The following SLC6A6 variants were observed in gnomAD, a reference collection of about 807,000 sequenced individuals.
The protein encoded by SLC6A6 is sodium- and chloride-dependent taurine transporter.
Under a neutral mutation model 68.8 loss-of-function variants are expected in SLC6A6, and 16 were observed. The ratio of observed to expected loss-of-function variants is 0.23; its 90% CI spans 0.16 to 0.35. The LOEUF is 0.35. SLC6A6 is among the 10% of genes least tolerant of loss of function. The pLI, the probability that SLC6A6 is intolerant of heterozygous loss-of-function variation, is 1.00. For missense variants in SLC6A6, 474 were observed against 802.8 expected (o/e 0.59, Z 4.95); for synonymous variants, 312 against 315.4 (o/e 0.99, Z 0.12).
chr3:14,423,951 G>A (rs1002858137), intron 2 of SLC6A6, among the ~76,000 whole-genome samples: 5 of 152,148 alleles, frequency 3.3e-5, no homozygotes, highest in African/African-American at 1.2e-4. Context: ...CTCATGGCTG[G>A]GTTCTGGACC....
chr3:14,414,766 T>A (rs986492543), intron 1 of SLC6A6, among the ~76,000 whole-genome samples: 1 of 152,180 alleles, frequency 6.6e-6, no homozygotes, highest in Non-Finnish European at 1.5e-5. Context: ...CTTGGGCTCA[T>A]GAGCCTTCTG....
chr3:14,458,146 C>T (rs940107066), intron 6 of SLC6A6, 64 bp downstream of exon 6: 108 of 1,475,064 alleles, frequency 7.3e-5, no homozygotes, highest in Non-Finnish European at 9.2e-5. Context: ...CCCTCTCCCC[C>T]ACTTCCCGCC....
intron 5 of SLC6A6, among the ~76,000 whole-genome samples, chr3:14,449,140 G>A (rs1700198113): frequency 6.6e-6 from 1 of 152,256 alleles, no homozygotes; most frequent in Admixed American, 6.5e-5. Flanking sequence ...CATGCTTTGG[G>A]GTCAGGGCTG....
chr3:14,461,385 G>A (rs998737710), intron 6 of SLC6A6, among the ~76,000 whole-genome samples: 1 of 152,166 alleles, frequency 6.6e-6, no homozygotes, highest in African/African-American at 2.4e-5. Flanking sequence ...CTCCCGACCT[G>A]GGTGCCCCAC....
intron 6 of SLC6A6, among the ~76,000 whole-genome samples, chr3:14,462,062 G>A (rs2124972836): frequency 6.6e-6 from 1 of 152,382 alleles, no homozygotes; most frequent in African/African-American, 2.4e-5. Flanking sequence ...AGGTTCACCA[G>A]CAAGAGTGGA....
chr3:14,413,839 A>G (rs1002470351), intron 1 of SLC6A6, among the ~76,000 whole-genome samples: 7 of 152,316 alleles, frequency 4.6e-5, no homozygotes, highest in Admixed American at 2.0e-4. Context: ...TGTCAGAGAC[A>G]TGCATAAAAT....
intron 1 of SLC6A6, among the ~76,000 whole-genome samples, chr3:14,408,371 G>C (rs1699157459): frequency 6.7e-6 from 1 of 148,762 alleles, no homozygotes; most frequent in African/African-American, 2.5e-5. Context: ...GTCTTGCTCT[G>C]TCACCCAGGC....
rs541667704 is a variant in SLC6A6, at chr3:14,472,744, G to A, written c.1209+427G>A. 2.0e-5 allele frequency among the ~76,000 whole-genome samples: 3 copies of A among 152,284 alleles called. No individual in the cohort carries two copies. The highest frequency in any genetic ancestry group is 1.9e-4 in the East Asian group (1 of 5,174). ...GGAGGACATGGCAGATGGGCGATTC[G>A]GAGAAGGGACCCACATTTCTGTGTG... is the stretch of plus-strand genomic sequence containing the variant. On this transcript the variant is annotated intron_variant, in intron 10 of 14. Transcript: ENST00000622186. The surrounding 1 kb of genome is among the most constrained non-coding windows in gnomAD (Gnocchi z 4.5).
At chr3:14,443,969 GCC>G (rs112272618) in intron 3 of SLC6A6, 106 bp downstream of exon 3, 1 of 732,580 alleles carries the variant, frequency 1.4e-6, no homozygotes, top group Non-Finnish European at 2.3e-6. Context: ...GCTTTCCCTG[GCC>G]CCCCCCCTTG....
intron 2 of SLC6A6, among the ~76,000 whole-genome samples, chr3:14,421,199 T>C (rs1209233956): frequency 6.6e-6 from 1 of 152,210 alleles, no homozygotes; most frequent in African/African-American, 2.4e-5. Context: ...CAGCCCCCAG[T>C]CTGCCAGCCT....
chr3:14,458,155 C>T (rs1700413856), intron 6 of SLC6A6, 73 bp downstream of exon 6: 1 of 1,409,612 alleles, frequency 7.1e-7, no homozygotes, highest in Non-Finnish European at 1.0e-6. Context: ...CCACTTCCCG[C>T]CTGCAATTAG....
chr3:14,403,077 A>AGTGTGTGTGTGTGT (rs34547966), intron 1 of SLC6A6, among the ~76,000 whole-genome samples: 1 of 143,324 alleles, frequency 7.0e-6, no homozygotes, highest in Non-Finnish European at 1.5e-5. Flanking sequence ...GCGGCAGGAG[A>AGTGTGTGTGTGTGT]GTGTGTGTGT....
chr3:14,435,918 C>T (rs1699841746), intron 2 of SLC6A6, among the ~76,000 whole-genome samples: 1 of 152,178 alleles, frequency 6.6e-6, no homozygotes, highest in South Asian at 2.1e-4. Flanking sequence ...TCCTCCTGTC[C>T]CCTGGTTCCC....
At chr3:14,469,325 G>A (rs1437614519) in intron 9 of SLC6A6, among the ~76,000 whole-genome samples, 1 of 152,056 alleles carries the variant, frequency 6.6e-6, no homozygotes, top group Admixed American at 6.6e-5. Context: ...GAGCGTGGGG[G>A]TTATTAACTT....
intron 5 of SLC6A6, among the ~76,000 whole-genome samples, chr3:14,455,145 T>C (rs1700339890): frequency 1.3e-5 from 2 of 152,186 alleles, no homozygotes; most frequent in Admixed American, 1.3e-4. Flanking sequence ...AGGAATGGAA[T>C]TGCCTGATCA....
At chr3:14,444,119 C>T (rs1700058780) in intron 3 of SLC6A6, 1 of 428,644 alleles carries the variant, frequency 2.3e-6, no homozygotes, top group Non-Finnish European at 4.3e-6. Flanking sequence ...CTCTCTGGTC[C>T]TCCAGTTTGC....
At chr3:14,415,116 C>T (rs770266120) in intron 1 of SLC6A6, among the ~76,000 whole-genome samples, 2 of 152,326 alleles carry the variant, frequency 1.3e-5, no homozygotes, top group Middle Eastern at 3.4e-3. Context: ...AGCCTCTAGC[C>T]GGTGGTTCCA....
intron 1 of SLC6A6, among the ~76,000 whole-genome samples, chr3:14,412,996 C>T (rs73815258): frequency 0.027 from 4,116 of 152,340 alleles, 195 homozygotes; most frequent in African/African-American, 0.092. Context: ...ACAGTGTCCT[C>T]GCTCCAAAAG....
At position 14,457,981 on chromosome 3, in the gene SLC6A6, G is replaced by A. The variant is rs747629906; in HGVS notation, c.631G>A (p.Asp211Asn). 20 of 1,613,918 alleles carry A rather than the reference G, an allele frequency of 1.2e-5. No homozygotes were observed. Among genetic ancestry groups the A allele is most frequent in the African/African-American group, 8.0e-5 (6 of 74,914 alleles). Residue 211 changes from aspartate (D) to asparagine (N), a missense_variant, in exon 6 of 15, where the codon GAC (aspartate) becomes AAC (asparagine). Physicochemically the swap from Asp to Asn is conservative, Grantham distance 23. This residue lies in a region of SLC6A6 where 280 missense variants were observed against 533.1 expected (regional missense o/e 0.53). Transcript: ENST00000622186. ...CGTGCTGAGCTTGTCCCCTGGAATCGACCACCCAGGCTCTCTGAAATGGGA... is the reference window on the plus strand; with the variant it reads ...CGTGCTGAGCTTGTCCCCTGGAATCAACCACCCAGGCTCTCTGAAATGGGA... ...RNVLSLSPGIDHPGSLKWDLA... is the reference protein window; with the variant it reads ...RNVLSLSPGINHPGSLKWDLA...
Sources: allele counts gnomAD v4.1 joint callset (sites outside exome capture counted in the v4.1 genomes callset), GRCh38; gene constraint gnomAD v4.1.1; regional missense constraint gnomAD v4.1.1; non-coding constraint Gnocchi (gnomAD v3.1); transcripts MANE v1.5; gene names NCBI Gene and HGNC (gene_info 2026-07-23, HGNC 2026-07-21).